Variants in DSCAML1 observed in about 807,000 individuals in gnomAD.
DSCAML1 encodes cell adhesion molecule DSCAML1.
Under a neutral mutation model 200.5 loss-of-function variants are expected in DSCAML1, and 38 were observed. The observed-to-expected ratio is 0.19, with a 90% CI of 0.15 to 0.25. The LOEUF is 0.25. Ranked by LOEUF, DSCAML1 falls within the 10% of genes least tolerant of loss-of-function variation. DSCAML1 has a pLI of 1.00. For synonymous variants in DSCAML1, 1,215 were observed against 1,165.0 expected (o/e 1.04, Z -0.87); for missense variants, 2,223 against 2,858.8 (o/e 0.78, Z 5.07).
intron 1 of DSCAML1, among the ~76,000 whole-genome samples, chr11:117,816,657 A>G (rs1364832833): frequency 6.6e-6 from 1 of 152,116 alleles, no homozygotes; most frequent in East Asian, 1.9e-4. Flanking sequence ...TCTTCAGCAC[A>G]ACACCCCTCA....
At chr11:117,569,401 A>G (rs2050809585) in intron 3 of DSCAML1, among the ~76,000 whole-genome samples, 1 of 152,260 alleles carries the variant, frequency 6.6e-6, no homozygotes, top group Non-Finnish European at 1.5e-5. Flanking sequence ...GCTTCTGCAC[A>G]GCCTTGTTTT....
rs190888219 is a variant in DSCAML1 at position 117,492,871 on chromosome 11, G to A, written c.2360-10709C>T. ...CTTCTTAAAGAGCCAGGGCCATGGC[G>A]TTGTTAATTTGATTGCACCCACTTC... On this transcript the variant is annotated intron_variant, in intron 11 of 32. Transcript: ENST00000651296. 2.0e-3 allele frequency among the ~76,000 whole-genome samples: 305 copies of A among 152,294 alleles called. 5 individuals carry two copies. The highest frequency in any genetic ancestry group is 0.018 in the Admixed American group (273 of 15,300).
chr11:117,773,179 G>A (rs1030879834), intron 3 of DSCAML1, among the ~76,000 whole-genome samples: 8 of 152,146 alleles, frequency 5.3e-5, no homozygotes, highest in Non-Finnish European at 1.0e-4. Context: ...AGAAAGAGGC[G>A]TGGGAGAGCC....
rs148321554 is a variant in DSCAML1, at chr11:117,516,646, G to A, written c.1604C>T (p.Ser535Phe). 118 of 1,613,932 alleles carry A rather than the reference G, an allele frequency of 7.3e-5. No individual in the cohort carries two copies. Among genetic ancestry groups the A allele is most frequent in the Non-Finnish European group, 1.0e-5 (12 of 1,180,012 alleles). Reference sequence around the variant, plus strand: ...CAGGGCATCCTTGTACCACTTGATGGAGTAGTAGGGATAGCCGATGACCCT... The same window carrying A: ...CAGGGCATCCTTGTACCACTTGATGAAGTAGTAGGGATAGCCGATGACCCT... ...NCRVIGYPYY[S>F]IKWYKDALLL... Residue 535 changes from serine to phenylalanine, a missense_variant, in exon 8 of 33, where the codon TCC (serine) becomes TTC (phenylalanine). Ser to Phe is a radical substitution (Grantham distance 155). Transcript: ENST00000651296. The surrounding 1 kb of genome is among the most constrained non-coding windows in gnomAD (Gnocchi z 5.7).
At chr11:117,729,119 T>G (rs1433978655) in intron 3 of DSCAML1, among the ~76,000 whole-genome samples, 1 of 152,140 alleles carries the variant, frequency 6.6e-6, no homozygotes, top group Non-Finnish European at 1.5e-5. Context: ...CCCTCACAAA[T>G]AGGGTCAACT....
intron 1 of DSCAML1, among the ~76,000 whole-genome samples, chr11:117,810,890 C>G (rs1022965011): frequency 6.6e-6 from 1 of 152,148 alleles, no homozygotes; most frequent in African/African-American, 2.4e-5. Flanking sequence ...CCCGCCTGTC[C>G]CCTCAGTCCC....
At chr11:117,688,871 C>A (rs574575690) in intron 3 of DSCAML1, among the ~76,000 whole-genome samples, 1 of 152,228 alleles carries the variant, frequency 6.6e-6, no homozygotes, top group African/African-American at 2.4e-5. Context: ...AACCAGGGCA[C>A]GGATTGGCTC....
At chr11:117,705,930 G>A (rs1591422971) in intron 3 of DSCAML1, among the ~76,000 whole-genome samples, 1 of 152,192 alleles carries the variant, frequency 6.6e-6, no homozygotes, top group East Asian at 1.9e-4. Flanking sequence ...AGCGCCCTGG[G>A]TAGAATAGCA....
At chr11:117,478,404 G>A (rs1359394855) in intron 14 of DSCAML1, among the ~76,000 whole-genome samples, 2 of 152,006 alleles carry the variant, frequency 1.3e-5, no homozygotes, top group African/African-American at 4.8e-5. Context: ...CCCAACCTCA[G>A]GGAGCCCTGA....
At chr11:117,471,116 A>G (rs1232284420) in intron 15 of DSCAML1, among the ~76,000 whole-genome samples, 1 of 151,880 alleles carries the variant, frequency 6.6e-6, no homozygotes, top group African/African-American at 2.4e-5. Context: ...GGTTATACTC[A>G]TTGTTTACCT....
intron 22 of DSCAML1, 119 bp from the exon 23 acceptor site, chr11:117,439,548 G>A (rs1018705842): frequency 2.7e-5 from 35 of 1,320,154 alleles, no homozygotes; most frequent in South Asian, 2.2e-4. Context: ...AGGGAACGCC[G>A]GGTTCTTGGG....
At chr11:117,439,026 C>G (rs754230400) in intron 23 of DSCAML1, 43 bp from the exon 24 acceptor site, 1 of 1,552,580 alleles carries the variant, frequency 6.4e-7, no homozygotes, top group African/African-American at 1.4e-5. Context: ...AGGGCGGACC[C>G]TGTGATGGGG....
chr11:117,446,857 T>C (rs2048188795), intron 20 of DSCAML1, among the ~76,000 whole-genome samples: 1 of 152,170 alleles, frequency 6.6e-6, no homozygotes, highest in African/African-American at 2.4e-5. Flanking sequence ...TAAGAAAATA[T>C]TAAAATATGT....
chr11:117,562,293 C>T (rs1372918590), intron 3 of DSCAML1, among the ~76,000 whole-genome samples: 1 of 152,296 alleles, frequency 6.6e-6, no homozygotes, highest in African/African-American at 2.4e-5. Flanking sequence ...ATGCCTGCCT[C>T]CTAGGATGGG....
At chr11:117,514,572 C>CTTTTTTTTTTTTTTTTTTTTTTTTT (rs532136039) in intron 8 of DSCAML1, among the ~76,000 whole-genome samples, 1 of 98,292 alleles carries the variant, frequency 1.0e-5, no homozygotes. Flanking sequence ...TTTTCTTTTT[C>CTTTTTTTTTTTTTTTTTTTTTTTTT]TTTTTTTTTT....
At chr11:117,578,235 CGAAA>C (rs777068076) in intron 3 of DSCAML1, among the ~76,000 whole-genome samples, 8 of 18,292 alleles carry the variant, frequency 4.4e-4, no homozygotes, top group Non-Finnish European at 5.7e-4. Context: ...AACTCTGTCT[CGAAA>C]AAAAAAAAAA....
intron 1 of DSCAML1, among the ~76,000 whole-genome samples, chr11:117,783,954 C>G (rs919615233): frequency 1.3e-5 from 2 of 152,184 alleles, no homozygotes; most frequent in African/African-American, 4.8e-5. Context: ...GGAGCAACAG[C>G]CACAATGACA....
At chr11:117,456,897 A>G (rs1450940297) in intron 19 of DSCAML1, among the ~76,000 whole-genome samples, 1 of 151,328 alleles carries the variant, frequency 6.6e-6, no homozygotes, top group African/African-American at 2.4e-5. Flanking sequence ...CTGGTCTCGC[A>G]CTCCTGACCT....
chr11:117,691,660 T>A (rs774467795), intron 3 of DSCAML1, among the ~76,000 whole-genome samples: 1 of 152,222 alleles, frequency 6.6e-6, no homozygotes, highest in African/African-American at 2.4e-5. Context: ...TTAATCTTAA[T>A]AACATTTTAT....
Sources: gnomAD v4.1 joint callset for allele counts (sites outside exome capture counted in the v4.1 genomes callset) on GRCh38, gnomAD v4.1.1 for gene constraint, Gnocchi (gnomAD v3.1) non-coding constraint, MANE v1.5 for transcripts, NCBI Gene and HGNC (gene_info 2026-07-23, HGNC 2026-07-21) for gene names.